Variants in INPP4A observed in about 807,000 individuals in gnomAD.
INPP4A encodes inositol polyphosphate-4-phosphatase, type I, 107kD.
In INPP4A, 33 loss-of-function variants were observed where a neutral mutation model predicts 119.8. The observed-to-expected ratio is 0.28, with a 90% CI of 0.21 to 0.37. INPP4A has a LOEUF of 0.37. Ranked by LOEUF, INPP4A falls within the 10% of genes least tolerant of loss-of-function variation. The probability of loss-of-function intolerance (pLI) is 1.00; values close to 1 mark genes in which losing one functional copy is unlikely to be tolerated. For missense variants in INPP4A, 956 were observed against 1,289.9 expected, an observed-to-expected ratio of 0.74 and a Z score of 3.97; for synonymous variants, 496 against 500.7, an observed-to-expected ratio of 0.99 and a Z score of 0.12.
In INPP4A at chr2:98,566,731, G is replaced by A. The variant is rs1346620406; in HGVS notation, c.2420+562G>A. 6.6e-6 allele frequency among the ~76,000 whole-genome samples: 1 copy of A among 152,200 alleles called. No individual in the cohort carries two copies. The highest frequency in any genetic ancestry group is 2.4e-5 in the African/African-American group (1 of 41,444). On this transcript the variant is annotated intron_variant, in intron 21 of 24. Transcript: ENST00000409851. This position sits in a 1 kb window ranked among gnomAD's most constrained non-coding sequence, Gnocchi z 4.2. ...CTCCAGGGTCACTTGCCACACTGCA[G>A]AGGGGAGTTGTGTGTGCCTGTGTGT...
intron 1 of INPP4A, among the ~76,000 whole-genome samples, chr2:98,470,726 G>C (rs185528739): frequency 6.6e-6 from 1 of 151,900 alleles, no homozygotes; most frequent in Admixed American, 6.6e-5. Context: ...GGAGTGCAGT[G>C]GCGCGACCTC....
chr2:98,555,424 T>C lies in INPP4A; in HGVS notation c.1567-129T>C, dbSNP rs980064885. 14 of 993,198 alleles carry C rather than the reference T, an allele frequency of 1.4e-5. No individual in the cohort carries two copies. In the African/African-American group the frequency reaches 1.9e-4, roughly 14 times the overall value. The allele number at this position is 993,198 out of a possible 1,614,324, so 61.5% of individuals were successfully genotyped here. A position where few individuals can be genotyped will look rare whatever the true frequency, so the allele number is the denominator to read the frequency against. On this transcript the variant is annotated intron_variant, in intron 15 of 24. Transcript: ENST00000409851. ...GAATTAGGAATCATCTTTATATTTC[T>C]AAACTTTGAGGTATTTTAACAAGTG... is the stretch of plus-strand genomic sequence containing the variant.
intron 1 of INPP4A, among the ~76,000 whole-genome samples, chr2:98,502,936 A>G (rs1176560989): frequency 6.6e-6 from 1 of 152,186 alleles, no homozygotes; most frequent in African/African-American, 2.4e-5. Context: ...TATTTGCAGA[A>G]TCAGTGCTTC....
At chr2:98,470,633 G>A (rs1574573345) in intron 1 of INPP4A, among the ~76,000 whole-genome samples, 1 of 152,126 alleles carries the variant, frequency 6.6e-6, no homozygotes, top group African/African-American at 2.4e-5. Flanking sequence ...TCAGGGCCAT[G>A]TTGCAGGAGG....
At chr2:98,559,273 G>A (rs1421400427) in intron 16 of INPP4A, among the ~76,000 whole-genome samples, 190 bp from the exon 17 acceptor site, 2 of 152,242 alleles carry the variant, frequency 1.3e-5, no homozygotes, top group Admixed American at 6.5e-5. Context: ...GGGCTTGGCT[G>A]CCTTGGAGCA....
chr2:98,544,040 C>A, intron 11 of INPP4A, 33 bp downstream of exon 11: 1 of 1,530,860 alleles, frequency 6.5e-7, no homozygotes, highest in Non-Finnish European at 8.8e-7. Flanking sequence ...ACCACACACG[C>A]GTGCGCACAC....
At chr2:98,475,076 A>G (rs1193455560) in intron 1 of INPP4A, among the ~76,000 whole-genome samples, 2 of 152,126 alleles carry the variant, frequency 1.3e-5, no homozygotes, top group African/African-American at 4.8e-5. Flanking sequence ...GTGAAACTTT[A>G]CAGGGAAATT....
At chr2:98,445,246 CCACCTGCGGTGG>C (rs1481832985) in intron 1 of INPP4A, among the ~76,000 whole-genome samples, 161 bp downstream of exon 1, 1 of 152,146 alleles carries the variant, frequency 6.6e-6, no homozygotes, top group African/African-American at 2.4e-5. Flanking sequence ...TGCCAGTGGT[CCACCTGCGGTGG>C]CGTCTTTTGA....
intron 1 of INPP4A, among the ~76,000 whole-genome samples, chr2:98,474,417 T>C (rs549561612): frequency 2.0e-5 from 3 of 152,232 alleles, no homozygotes; most frequent in Non-Finnish European, 4.4e-5. Flanking sequence ...TTCTCTATAA[T>C]GTGGAATATC....
At chr2:98,528,964 G>A (rs1012189493) in intron 4 of INPP4A, among the ~76,000 whole-genome samples, 8 of 151,970 alleles carry the variant, frequency 5.3e-5, no homozygotes, top group African/African-American at 1.7e-4. Flanking sequence ...TGTAGTCCCA[G>A]CTACTCGGGA....
chr2:98,508,902 G>A (rs749175447), intron 1 of INPP4A, among the ~76,000 whole-genome samples: 1 of 152,132 alleles, frequency 6.6e-6, no homozygotes, highest in African/African-American at 2.4e-5. Context: ...TGACGAATGA[G>A]GCCTGGTGCG....
Position 98,546,517 on chromosome 2 carries a change from A to T in INPP4A, c.1055-69A>T. ...GGGTCAGGACCCCAGACTTGTGTGC[A>T]TATCCCTATAGCTGGCTTGTCCACA... On this transcript the variant is annotated intron_variant, in intron 12 of 24. Coordinates refer to ENST00000409851, the MANE Select transcript of INPP4A (RefSeq NM_001134225.2). This position sits in a 1 kb window ranked among gnomAD's most constrained non-coding sequence, Gnocchi z 4.2. The T allele has an allele frequency of 2.8e-6, 3 of 1,067,162 alleles. No homozygotes were observed. Among genetic ancestry groups the T allele is most frequent in the Non-Finnish European group, 4.3e-6 (3 of 700,704 alleles). 66.1% of individuals were successfully genotyped at this position (1,067,162 alleles called of 1,614,324 possible). A position where few individuals can be genotyped will look rare whatever the true frequency, so the allele number is the denominator to read the frequency against.
chr2:98,445,712 C>G (rs1175117119), intron 1 of INPP4A, among the ~76,000 whole-genome samples: 1 of 152,146 alleles, frequency 6.6e-6, no homozygotes, highest in Non-Finnish European at 1.5e-5. Flanking sequence ...AAATTTGTGT[C>G]TTTGTGGGCG....
At chr2:98,519,634 A>G (rs1241416108) in intron 2 of INPP4A, 1 of 183,392 alleles carries the variant, frequency 5.5e-6, no homozygotes, top group Non-Finnish European at 1.1e-5. Context: ...AGAAGAGCAT[A>G]ATAAAGAGAA....
rs750527143 is a variant in INPP4A at position 98,533,444 on chromosome 2, C to T, written c.219C>T (p.Thr73=). ...KPNSFVAVSV[T]TPPQAFWTKH... ...ATAGTTTTGTTGCGGTGAGTGTCAC[C>T]ACCCCTCCTCAGGCATTCTGGACGA... Residue 73 remains threonine, a synonymous_variant, in exon 5 of 25, where the codon ACC becomes ACT. Transcript: ENST00000409851. 21 of 1,613,738 alleles carry T rather than the reference C, an allele frequency of 1.3e-5. 1 individual carries two copies. The highest frequency in any genetic ancestry group is 1.6e-4 in the Middle Eastern group (1 of 6,062).
At chr2:98,573,387 A>G (rs769550142) in intron 23 of INPP4A, among the ~76,000 whole-genome samples, 2 of 152,192 alleles carry the variant, frequency 1.3e-5, no homozygotes, top group Non-Finnish European at 2.9e-5. Flanking sequence ...ATTCCAAGCC[A>G]CTGCTCTGAG....
intron 23 of INPP4A, 58 bp from the exon 24 acceptor site, chr2:98,576,931 G>C (rs1454865338): frequency 6.4e-7 from 1 of 1,569,186 alleles, no homozygotes; most frequent in Non-Finnish European, 8.7e-7. Context: ...TGTGTGTGAA[G>C]GGTGCTGCCT....
intron 1 of INPP4A, among the ~76,000 whole-genome samples, chr2:98,477,474 T>C (rs1326259982): frequency 6.6e-6 from 1 of 152,216 alleles, no homozygotes; most frequent in East Asian, 1.9e-4. Flanking sequence ...TTCTCTGAGA[T>C]ACTTGGACAC....
chr2:98,593,573 C>T lies in INPP4A; in HGVS notation c.*5965C>T, dbSNP rs1343426226. The T allele has an allele frequency of 6.6e-6, 1 of 152,254 alleles. No individual in the cohort carries two copies. Among genetic ancestry groups the T allele is most frequent in the South Asian group, 2.1e-4 (1 of 4,832 alleles). The allele number at this position is 152,254 out of a possible 1,614,324, so 9.4% of individuals were successfully genotyped here. ...GACTCCTAAATTTCTAGGTCCATCCCAGACTCTCCCCCAAGGTCCAGATTA... is the reference window on the plus strand; with the variant it reads ...GACTCCTAAATTTCTAGGTCCATCCTAGACTCTCCCCCAAGGTCCAGATTA... On this transcript the variant is annotated 3_prime_UTR_variant, in exon 25 of 25. Coordinates refer to ENST00000409851, the MANE Select transcript of INPP4A (RefSeq NM_001134225.2).
Sources: gnomAD v4.1 joint callset for allele counts (sites outside exome capture counted in the v4.1 genomes callset) on GRCh38, gnomAD v4.1.1 for gene constraint, Gnocchi (gnomAD v3.1) non-coding constraint, MANE v1.5 for transcripts, NCBI Gene and HGNC (gene_info 2026-07-23, HGNC 2026-07-21) for gene names.